FAM76B: variants seen among roughly 807,000 people sequenced by gnomAD.
The protein encoded by FAM76B is family with sequence similarity 76 member B, also known as protein FAM76B.
In FAM76B, 16 loss-of-function variants were observed where a neutral mutation model predicts 51.8. That is an observed-to-expected ratio of 0.31 (90% confidence interval 0.21 to 0.47). The LOEUF (loss-of-function observed/expected upper bound fraction) is 0.47. Among genes scored for constraint, FAM76B ranks in the 20% least tolerant of loss-of-function variants. The pLI is 1.00. For missense variants in FAM76B, 342 were observed against 392.6 expected (o/e 0.87, Z 1.09); for synonymous variants, 166 against 129.5 (o/e 1.28, Z -1.91).
intron 5 of FAM76B, among the ~76,000 whole-genome samples, chr11:95,780,520 T>C (rs1036456825): frequency 2.0e-5 from 3 of 151,968 alleles, no homozygotes; most frequent in African/African-American, 7.2e-5. Context: ...TTACTTTTAC[T>C]CATAATTAAT....
intron 8 of FAM76B, among the ~76,000 whole-genome samples, chr11:95,777,480 A>G (rs1457673742): frequency 5.9e-5 from 9 of 151,406 alleles, no homozygotes; most frequent in Non-Finnish European, 1.5e-5. Flanking sequence ...ATTTTGCAGT[A>G]AAGTTGGCAT....
chr11:95,783,460 G>A (rs1327144283), intron 4 of FAM76B, among the ~76,000 whole-genome samples, 196 bp from the exon 5 acceptor site: 5 of 152,138 alleles, frequency 3.3e-5, no homozygotes, highest in African/African-American at 1.2e-4. Flanking sequence ...TACTTGTTAG[G>A]AGAATTATAA....
chr11:95,784,064 A>G (rs1367247869), intron 4 of FAM76B, among the ~76,000 whole-genome samples: 1 of 152,200 alleles, frequency 6.6e-6, no homozygotes, highest in Non-Finnish European at 1.5e-5. Context: ...TAGACTGGAT[A>G]AAGAAAACAT....
At position 95,779,897 on chromosome 11, in the gene FAM76B, T is replaced by C; in HGVS notation, c.593A>G (p.Gln198Arg). Residue 198 changes from glutamine (Q) to arginine (R), a missense_variant, in exon 6 of 10, where the codon CAG (glutamine) becomes CGG (arginine). Around this residue, in one of 3 missense-constraint regions of FAM76B, gnomAD observed 230 missense variants for 257.4 expected, o/e 0.89. Coordinates refer to ENST00000358780, the MANE Select transcript of FAM76B (RefSeq NM_144664.5). ...KISNLSPEEE[Q>R]GLWKQSHKSS... is the part of the protein sequence containing the mutation. ...TATTTACCTCTGTTTCCACAGTCCC[T>C]GCTCTTCTTCTGGACTTAGATTGCT... is the stretch of plus-strand genomic sequence containing the variant. 6.2e-7 allele frequency: 1 copy of C among 1,606,002 alleles called. No individual in the cohort carries two copies. Among genetic ancestry groups the C allele is most frequent in the Non-Finnish European group, 8.5e-7 (1 of 1,176,594 alleles).
chr11:95,774,176 A>G (rs1010270557), intron 9 of FAM76B, among the ~76,000 whole-genome samples: 2 of 151,326 alleles, frequency 1.3e-5, no homozygotes, highest in African/African-American at 4.8e-5. Flanking sequence ...TAGGACAGGG[A>G]AAAGTATAGA....
At position 95,789,640 on chromosome 11, in the gene FAM76B, G is replaced by C. The variant is rs1393987657; in HGVS notation, c.-162C>G. On this transcript the variant is annotated 5_prime_UTR_variant, in exon 1 of 10. Transcript: ENST00000358780. ...CGCGAGAGCCCAGGGCCCCGCGGAC[G>C]ACGCCACCGTCTCCCTCCGCCTCCA... 2 of 549,652 alleles carry C rather than the reference G, an allele frequency of 3.6e-6. No homozygotes were observed. The highest frequency in any genetic ancestry group is 3.4e-5 in the East Asian group (1 of 29,396). 34.0% of individuals were successfully genotyped at this position (549,652 alleles called of 1,614,324 possible). A position where few individuals can be genotyped will look rare whatever the true frequency, so the allele number is the denominator to read the frequency against.
At chr11:95,776,591 T>A (rs1444051396) in intron 8 of FAM76B, among the ~76,000 whole-genome samples, 3 of 151,058 alleles carry the variant, frequency 2.0e-5, no homozygotes, top group Non-Finnish European at 3.0e-5. Context: ...GAAATACAAC[T>A]AACACAGAAT....
At chr11:95,788,999 A>G in intron 1 of FAM76B, 1 of 1,353,510 alleles carries the variant, frequency 7.4e-7, no homozygotes, top group Non-Finnish European at 9.7e-7. Flanking sequence ...GTTCCTAGCA[A>G]GAAAGTGCAA....
intron 4 of FAM76B, among the ~76,000 whole-genome samples, chr11:95,784,782 T>C (rs1430803728): frequency 2.0e-5 from 3 of 151,926 alleles, no homozygotes; most frequent in Non-Finnish European, 4.4e-5. Context: ...AGAAACGGGG[T>C]TTCACCGTGT....
Position 95,779,600 on chromosome 11 carries a change from T to C in FAM76B, c.692+7A>G, listed in dbSNP as rs1488583119. On this transcript the variant is annotated splice_region_variant and intron_variant, in intron 7 of 9. Transcript: ENST00000358780. ...ATTTTCATAACACTAAAAGAATTCA[T>C]TTTTACCTATCTCCATTAGATGGCT... 6.2e-7 allele frequency: 1 copy of C among 1,601,148 alleles called. No individual in the cohort carries two copies. Among genetic ancestry groups the C allele is most frequent in the Non-Finnish European group, 8.5e-7 (1 of 1,174,392 alleles).
chr11:95,770,684 T>C lies in FAM76B; in HGVS notation c.*877A>G, dbSNP rs762553816. ...TATCACACAGAAACAAATCACAAAATTTTCTACAATCTATATGCATTATCA... is the reference window on the plus strand; with the variant it reads ...TATCACACAGAAACAAATCACAAAACTTTCTACAATCTATATGCATTATCA... On this transcript the variant is annotated 3_prime_UTR_variant, in exon 10 of 10. Transcript: ENST00000358780. The C allele has an allele frequency of 3.3e-5, 5 of 151,740 alleles. No homozygotes were observed. The highest frequency in any genetic ancestry group is 6.6e-5 in the Admixed American group (1 of 15,154). The allele number at this position is 151,740 out of a possible 1,614,324, so 9.4% of individuals were successfully genotyped here. A position where few individuals can be genotyped will look rare whatever the true frequency, so the allele number is the denominator to read the frequency against.
chr11:95,777,224 T>A (rs904639628), intron 8 of FAM76B, among the ~76,000 whole-genome samples: 7 of 151,440 alleles, frequency 4.6e-5, no homozygotes, highest in Non-Finnish European at 1.0e-4. Flanking sequence ...TTCATCATCT[T>A]AGATTTATAA....
intron 4 of FAM76B, among the ~76,000 whole-genome samples, chr11:95,785,059 T>C (rs1190631603): frequency 6.6e-6 from 1 of 152,230 alleles, no homozygotes; most frequent in Non-Finnish European, 1.5e-5. Flanking sequence ...TAGTTACCCA[T>C]AGTCAACCTT....
At position 95,771,661 on chromosome 11, in the gene FAM76B, C is replaced by CA; in HGVS notation, c.931-12dup. The stretch of plus-strand genomic sequence containing the variant: ...TTCTCTGTTTTTGGCCTGTGGGAGA[C>CA]AAAAACATTCAAGATTAAAAATGTT... On this transcript the variant is annotated splice_polypyrimidine_tract_variant and intron_variant, in intron 9 of 9. Transcript: ENST00000358780. 1 of 1,588,700 alleles carries CA rather than the reference C, an allele frequency of 6.3e-7. No individual in the cohort carries two copies. Among genetic ancestry groups the CA allele is most frequent in the East Asian group, 2.3e-5 (1 of 44,444 alleles).
chr11:95,773,596 T>G (rs1859867080), intron 9 of FAM76B, among the ~76,000 whole-genome samples: 1 of 151,236 alleles, frequency 6.6e-6, no homozygotes, highest in Non-Finnish European at 1.5e-5. Flanking sequence ...CCTGGCTTAC[T>G]TACCAGCTAC....
Position 95,789,430 on chromosome 11 carries a change from G to T in FAM76B, c.49C>A (p.Pro17Thr). The T allele has an allele frequency of 6.2e-7, 1 of 1,609,728 alleles. No homozygotes were observed. The highest frequency in any genetic ancestry group is 8.5e-7 in the Non-Finnish European group (1 of 1,178,210). The change falls in exon 1 of 10, where the codon CCT (proline) becomes ACT (threonine). Residue 17 changes from proline to threonine, a missense_variant. Physicochemically the swap from Pro to Thr is conservative, Grantham distance 38. Around this residue, in one of 3 missense-constraint regions of FAM76B, gnomAD observed 96 missense variants for 94.7 expected, o/e 1.01. Transcript: ENST00000358780. ...TGGCCCTGGGAGAGCTCCTCGAAAGGATAACGCTGGGTACACTTGGTGCAG... is the reference window on the plus strand; with the variant it reads ...TGGCCCTGGGAGAGCTCCTCGAAAGTATAACGCTGGGTACACTTGGTGCAG... ...YACTKCTQRY[P>T]FEELSQGQQL...
rs1320314599 is a variant in FAM76B, at chr11:95,770,002, T to G, written c.*1559A>C. 1 of 151,610 alleles carries G rather than the reference T, an allele frequency of 6.6e-6. No individual in the cohort carries two copies. The highest frequency in any genetic ancestry group is 6.6e-5 in the Admixed American group (1 of 15,174). The allele number at this position is 151,610 out of a possible 1,614,324, so 9.4% of individuals were successfully genotyped here. ...TTCTTAAGAAAGCCAATCTTTGATATGACATTCACAATCAATGCTTGTATA... is the reference window on the plus strand; with the variant it reads ...TTCTTAAGAAAGCCAATCTTTGATAGGACATTCACAATCAATGCTTGTATA... On this transcript the variant is annotated 3_prime_UTR_variant, in exon 10 of 10. Coordinates refer to ENST00000358780, the MANE Select transcript of FAM76B (RefSeq NM_144664.5).
chr11:95,780,052 A>T, intron 5 of FAM76B, 126 bp from the exon 6 acceptor site: 1 of 811,022 alleles, frequency 1.2e-6, no homozygotes, highest in Non-Finnish European at 1.9e-6. Context: ...AGGTATATTT[A>T]AGTTTTCAGA....
chr11:95,779,694 C>T lies in FAM76B; in HGVS notation c.612-7G>A, dbSNP rs1001622555. 4 of 1,604,930 alleles carry T rather than the reference C, an allele frequency of 2.5e-6. No homozygotes were observed. The highest frequency in any genetic ancestry group is 2.2e-5 in the South Asian group (2 of 89,404). ...TGTTGCAGAGGATTTATGGCTGAAACCAAACATTAATAAGAATAGTTAGAG... is the reference window on the plus strand; with the variant it reads ...TGTTGCAGAGGATTTATGGCTGAAATCAAACATTAATAAGAATAGTTAGAG... On this transcript the variant is annotated splice_region_variant and splice_polypyrimidine_tract_variant and intron_variant, in intron 6 of 9. Transcript: ENST00000358780.
Sources: allele counts gnomAD v4.1 joint callset (sites outside exome capture counted in the v4.1 genomes callset), GRCh38; gene constraint gnomAD v4.1.1; regional missense constraint gnomAD v4.1.1; transcripts MANE v1.5; gene names NCBI Gene and HGNC (gene_info 2026-07-23, HGNC 2026-07-21).